The following CNTNAP2 variants were observed in gnomAD, a reference collection of about 807,000 sequenced individuals.
The protein encoded by CNTNAP2 is contactin associated protein 2.
In CNTNAP2, 98 loss-of-function variants were observed where a neutral mutation model predicts 155.2. The observed-to-expected ratio is 0.63, with a 90% confidence interval of 0.54 to 0.75. The LOEUF is 0.75. Among genes scored for constraint, CNTNAP2 ranks in the 30% least tolerant of loss-of-function variants. The probability of loss-of-function intolerance (pLI) is 0.00; values close to 1 mark genes in which losing one functional copy is unlikely to be tolerated. For missense variants in CNTNAP2, 1,727 were observed against 1,688.1 expected, an observed-to-expected ratio of 1.02 and a Z score of -0.40; for synonymous variants, 651 against 631.2, an observed-to-expected ratio of 1.03 and a Z score of -0.47.
intron 16 of CNTNAP2, among the ~76,000 whole-genome samples, chr7:148,134,890 G>GATAAGAAGGA: frequency 6.6e-6 from 1 of 152,030 alleles, no homozygotes; most frequent in East Asian, 1.9e-4. Context: ...TCATTTTGGT[G>GATAAGAAGGA]TCTATATTTC....
intron 8 of CNTNAP2, among the ~76,000 whole-genome samples, chr7:147,275,618 A>C (rs778474103): frequency 6.6e-6 from 1 of 152,092 alleles, no homozygotes; most frequent in Non-Finnish European, 1.5e-5. Flanking sequence ...AACAGAGATA[A>C]TTTAACAATT....
At chr7:147,632,571 A>G (rs1417887103) in intron 12 of CNTNAP2, among the ~76,000 whole-genome samples, 1 of 152,160 alleles carries the variant, frequency 6.6e-6, no homozygotes, top group Non-Finnish European at 1.5e-5. Flanking sequence ...TGAAACTAAG[A>G]GTCAATTAAA....
intron 13 of CNTNAP2, among the ~76,000 whole-genome samples, chr7:147,713,400 C>A (rs1796432116): frequency 6.6e-6 from 1 of 152,126 alleles, no homozygotes; most frequent in African/African-American, 2.4e-5. Flanking sequence ...TGAAACCATG[C>A]AGTATATAGG....
intron 13 of CNTNAP2, among the ~76,000 whole-genome samples, chr7:147,842,219 T>A (rs1218580614): frequency 6.6e-6 from 1 of 152,218 alleles, no homozygotes; most frequent in Non-Finnish European, 1.5e-5. Context: ...AAAGGTCACA[T>A]AGGTAGTAAG....
intron 1 of CNTNAP2, among the ~76,000 whole-genome samples, chr7:146,360,734 A>C (rs1366443995): frequency 6.6e-6 from 1 of 152,152 alleles, no homozygotes; most frequent in Non-Finnish European, 1.5e-5. Context: ...CTGGGGCTTA[A>C]ATTTTGAAAA....
At chr7:147,462,843 A>G (rs1482119182) in intron 10 of CNTNAP2, among the ~76,000 whole-genome samples, 1 of 152,162 alleles carries the variant, frequency 6.6e-6, no homozygotes, top group Non-Finnish European at 1.5e-5. Flanking sequence ...CAGTGGCGCA[A>G]TCTTGGCTCA....
intron 4 of CNTNAP2, among the ~76,000 whole-genome samples, chr7:147,075,628 T>C (rs569572173): frequency 1.3e-4 from 20 of 152,292 alleles, no homozygotes; most frequent in African/African-American, 4.8e-4. Flanking sequence ...AAATTTCTTC[T>C]TTTTTCTTTT....
intron 14 of CNTNAP2, among the ~76,000 whole-genome samples, chr7:147,972,562 A>C (rs913558806): frequency 2.6e-5 from 4 of 152,204 alleles, no homozygotes; most frequent in African/African-American, 9.6e-5. Context: ...ACTGAAGGGA[A>C]ATAACAGTAA....
At chr7:147,622,891 A>T (rs935534039) in intron 12 of CNTNAP2, among the ~76,000 whole-genome samples, 1 of 152,052 alleles carries the variant, frequency 6.6e-6, no homozygotes. Flanking sequence ...AGACTAGGAA[A>T]AAAAGATCCA....
At chr7:147,305,821 T>C (rs1795015925) in intron 9 of CNTNAP2, among the ~76,000 whole-genome samples, 1 of 152,152 alleles carries the variant, frequency 6.6e-6, no homozygotes, top group South Asian at 2.1e-4. Context: ...AAGTCTAAAA[T>C]GGAGGTTCAA....
At chr7:147,785,121 G>T (rs1695016337) in intron 13 of CNTNAP2, among the ~76,000 whole-genome samples, 2 of 152,150 alleles carry the variant, frequency 1.3e-5, no homozygotes, top group South Asian at 4.1e-4. Context: ...CTCAAGAGGA[G>T]GTCTTGATGA....
At chr7:148,038,862 GGATGGATGGATA>G (rs1412157539) in intron 15 of CNTNAP2, among the ~76,000 whole-genome samples, 7 of 151,596 alleles carry the variant, frequency 4.6e-5, no homozygotes, top group African/African-American at 1.7e-4. Context: ...ATGGATGGAT[GGATGGATGGATA>G]GATAGATAAG....
intron 8 of CNTNAP2, among the ~76,000 whole-genome samples, chr7:147,270,568 GC>G (rs2116703741): frequency 6.6e-6 from 1 of 152,270 alleles, no homozygotes; most frequent in South Asian, 2.1e-4. Flanking sequence ...CTTAGCCCTG[GC>G]TGTATGTACA....
chr7:147,449,918 T>C (rs534742582), intron 10 of CNTNAP2, among the ~76,000 whole-genome samples: 3 of 152,346 alleles, frequency 2.0e-5, no homozygotes, highest in African/African-American at 4.8e-5. Flanking sequence ...GTCCAATTGA[T>C]TTCCCATATG....
chr7:146,273,834 A>G (rs1192576252), intron 1 of CNTNAP2, among the ~76,000 whole-genome samples: 4 of 152,298 alleles, frequency 2.6e-5, no homozygotes, highest in African/African-American at 7.2e-5. Context: ...TCGTAAAACA[A>G]GGCGATGACC....
chr7:146,936,062 C>A (rs1232151580), intron 3 of CNTNAP2, among the ~76,000 whole-genome samples: 1 of 152,062 alleles, frequency 6.6e-6, no homozygotes, highest in Non-Finnish European at 1.5e-5. Context: ...ATGGGAAAAC[C>A]GTAATCTATG....
At chr7:146,683,646 A>G (rs752285757) in intron 1 of CNTNAP2, among the ~76,000 whole-genome samples, 48 of 152,156 alleles carry the variant, frequency 3.2e-4, no homozygotes, top group Non-Finnish European at 5.9e-4. Context: ...GTGCATTTGT[A>G]TGTTTGTTCA....
intron 1 of CNTNAP2, among the ~76,000 whole-genome samples, chr7:146,663,214 G>A (rs1442849102): frequency 7.1e-6 from 1 of 141,368 alleles, no homozygotes; most frequent in Admixed American, 7.5e-5. Context: ...GGAGGCAGAG[G>A]TTGCAGTGAG....
At chr7:147,902,816 G>GTGTGTGTA (rs1554447688) in intron 13 of CNTNAP2, among the ~76,000 whole-genome samples, 26 of 109,146 alleles carry the variant, frequency 2.4e-4, no homozygotes, top group East Asian at 5.6e-4. Context: ...GTGTGTGTAT[G>GTGTGTGTA]TGTGTGTGTG....
Sources: allele counts gnomAD v4.1 joint callset (sites outside exome capture counted in the v4.1 genomes callset), GRCh38; gene constraint gnomAD v4.1.1; transcripts MANE v1.5; gene names NCBI Gene and HGNC (gene_info 2026-07-23, HGNC 2026-07-21).